KHDRBS2: variants seen among roughly 807,000 people sequenced by gnomAD.
KHDRBS2 encodes the protein KH RNA binding domain containing, signal transduction associated 2.
A neutral mutation model predicts 44.3 loss-of-function variants in KHDRBS2; 26 were observed. That is an observed-to-expected ratio of 0.59 (90% confidence interval 0.43 to 0.81). The LOEUF (loss-of-function observed/expected upper bound fraction) is 0.81, where lower values mean the gene tolerates loss of function less well. KHDRBS2 is among the 40% of genes least tolerant of loss of function. KHDRBS2 has a pLI of 0.00. For synonymous variants in KHDRBS2, 194 were observed against 151.1 expected (o/e 1.28, Z -2.08); for missense variants, 476 against 433.1 (o/e 1.10, Z -0.88).
chr6:62,159,687 T>G (rs1382956944), intron 2 of KHDRBS2, among the ~76,000 whole-genome samples: 1 of 152,166 alleles, frequency 6.6e-6, no homozygotes, highest in Non-Finnish European at 1.5e-5. Flanking sequence ...CAAGACTTAC[T>G]GATAACATAA....
chr6:62,177,360 TATC>T (rs1259182552), intron 1 of KHDRBS2, 48 bp from the exon 2 acceptor site: 6 of 1,400,642 alleles, frequency 4.3e-6, no homozygotes, highest in Admixed American at 4.2e-5. Flanking sequence ...GGAACAATGT[TATC>T]ATAAATATGC....
intron 1 of KHDRBS2, among the ~76,000 whole-genome samples, chr6:62,264,061 A>G (rs1838797793): frequency 1.3e-5 from 2 of 151,772 alleles, no homozygotes; most frequent in Non-Finnish European, 2.9e-5. Context: ...TTCTCATTTG[A>G]CGTCAACCTG....
intron 1 of KHDRBS2, among the ~76,000 whole-genome samples, chr6:62,284,128 T>C (rs1382667452): frequency 6.6e-6 from 1 of 152,170 alleles, no homozygotes; most frequent in African/African-American, 2.4e-5. Flanking sequence ...GTGCATTCTC[T>C]GACTGTTTTA....
Position 61,874,174 on chromosome 6 carries a change from C to T in KHDRBS2, c.810+20461G>A, listed in dbSNP as rs9453317. Among the ~76,000 whole-genome samples, 371 of 151,900 alleles carry T rather than the reference C, an allele frequency of 2.4e-3. 3 individuals are homozygous for T. The highest frequency in any genetic ancestry group is 8.6e-3 in the African/African-American group (358 of 41,452). On this transcript the variant is annotated intron_variant, in intron 6 of 8. Transcript: ENST00000281156. ...CTAGAGGAATTTATTCATTTGAAGA[C>T]TTTTTTTCAAATAAGAAATAGTAAC...
intron 1 of KHDRBS2, among the ~76,000 whole-genome samples, chr6:62,195,900 T>G (rs547168364): frequency 6.6e-6 from 1 of 152,146 alleles, no homozygotes; most frequent in Non-Finnish European, 1.5e-5. Flanking sequence ...ACATTAGAAA[T>G]AATGTTTTAA....
intron 1 of KHDRBS2, among the ~76,000 whole-genome samples, chr6:62,201,851 A>G (rs1827061657): frequency 6.6e-6 from 1 of 152,032 alleles, no homozygotes; most frequent in African/African-American, 2.4e-5. Context: ...GTCAATGTTT[A>G]CACAATTCAA....
chr6:62,171,047 C>T (rs553208388), intron 2 of KHDRBS2, among the ~76,000 whole-genome samples: 1 of 151,510 alleles, frequency 6.6e-6, no homozygotes, highest in Non-Finnish European at 1.5e-5. Flanking sequence ...AGAACCCTGG[C>T]AACTCAAAAA....
chr6:61,975,951 A>G (rs1160441737), intron 4 of KHDRBS2, among the ~76,000 whole-genome samples: 1 of 152,190 alleles, frequency 6.6e-6, no homozygotes, highest in South Asian at 2.1e-4. Flanking sequence ...TAATCTTCAA[A>G]GGTGCTTAAT....
chr6:61,840,370 T>C (rs1285428107), intron 6 of KHDRBS2, among the ~76,000 whole-genome samples: 2 of 152,138 alleles, frequency 1.3e-5, no homozygotes, highest in East Asian at 1.9e-4. Context: ...ACTTAGTACC[T>C]TTAGAAAACA....
intron 6 of KHDRBS2, among the ~76,000 whole-genome samples, chr6:61,843,555 C>T (rs1159984875): frequency 2.2e-4 from 33 of 151,420 alleles, no homozygotes; most frequent in Middle Eastern, 3.2e-3. Context: ...TTAGTAGAGA[C>T]GGGGTTGCCA....
At chr6:62,032,740 G>A (rs1784582350) in intron 3 of KHDRBS2, among the ~76,000 whole-genome samples, 1 of 151,686 alleles carries the variant, frequency 6.6e-6, no homozygotes, top group South Asian at 2.1e-4. Context: ...TCTCAAGAAG[G>A]ACAGGTACAA....
intron 2 of KHDRBS2, among the ~76,000 whole-genome samples, chr6:62,106,186 C>A (rs1197139178): frequency 1.3e-5 from 2 of 152,002 alleles, no homozygotes; most frequent in Non-Finnish European, 2.9e-5. Context: ...CTGAGGAGAG[C>A]TTTACTTGCA....
chr6:62,165,703 C>A (rs1190717524), intron 2 of KHDRBS2, among the ~76,000 whole-genome samples: 4 of 151,626 alleles, frequency 2.6e-5, no homozygotes, highest in African/African-American at 9.7e-5. Flanking sequence ...AAATATATAT[C>A]ACTGTCATTA....
At chr6:62,245,947 C>T (rs1321716951) in intron 1 of KHDRBS2, among the ~76,000 whole-genome samples, 2 of 151,636 alleles carry the variant, frequency 1.3e-5, no homozygotes, top group African/African-American at 4.8e-5. Context: ...GTCAAATAAA[C>T]ATCTGGACCT....
chr6:61,572,857 A>G, the KHDRBS2 span, among the ~76,000 whole-genome samples: 1 of 152,178 alleles, frequency 6.6e-6, no homozygotes, highest in Non-Finnish European at 1.5e-5. Flanking sequence ...CCCACAGCCA[A>G]CATTACATTA....
the KHDRBS2 span, among the ~76,000 whole-genome samples, chr6:61,592,885 A>T: frequency 6.6e-6 from 1 of 152,196 alleles, no homozygotes; most frequent in African/African-American, 2.4e-5. Context: ...CAGGTCAGTT[A>T]AATAGTTGAG....
chr6:62,110,294 T>C (rs1441058642), intron 2 of KHDRBS2, among the ~76,000 whole-genome samples: 2 of 152,062 alleles, frequency 1.3e-5, no homozygotes, highest in East Asian at 3.9e-4. Context: ...AACATATATC[T>C]GTCATATGAT....
At chr6:61,654,554 G>C in the KHDRBS2 span, among the ~76,000 whole-genome samples, 2 of 151,614 alleles carry the variant, frequency 1.3e-5, no homozygotes, top group South Asian at 4.2e-4. Flanking sequence ...AGGAAAATAG[G>C]GTTCAGTTGA....
the KHDRBS2 span, among the ~76,000 whole-genome samples, chr6:61,673,876 T>C: frequency 6.8e-6 from 1 of 148,110 alleles, no homozygotes; most frequent in African/African-American, 2.5e-5. Flanking sequence ...TTCAATGCCA[T>C]CCCCATCAAG....
Sources: allele counts gnomAD v4.1 joint callset (sites outside exome capture counted in the v4.1 genomes callset), GRCh38; gene constraint gnomAD v4.1.1; transcripts MANE v1.5; gene names NCBI Gene and HGNC (gene_info 2026-07-23, HGNC 2026-07-21).